Variants in AGAP1 observed in about 807,000 individuals in gnomAD.
The protein encoded by AGAP1 is ArfGAP with GTPase domain, ankyrin repeat and PH domain 1.
In AGAP1, 29 loss-of-function variants were observed where a neutral mutation model predicts 105.3. The ratio of observed to expected loss-of-function variants is 0.28; its 90% confidence interval spans 0.21 to 0.38. The LOEUF (loss-of-function observed/expected upper bound fraction) is 0.38, where lower values mean the gene tolerates loss of function less well. Ranked by LOEUF, AGAP1 falls within the 10% of genes least tolerant of loss-of-function variation. The pLI is 1.00. For missense variants in AGAP1, 998 were observed against 1,165.1 expected (o/e 0.86, Z 2.09); for synonymous variants, 509 against 485.9 (o/e 1.05, Z -0.63).
rs2058807073 is a variant in AGAP1 at position 236,082,326 on chromosome 2, C to T, written c.2114+33045C>T. ...AACCTTGGCTTTTCCACTGTAATTTCCTCTGCCAGCTAATTTAATTAATCA... is the reference window on the plus strand; with the variant it reads ...AACCTTGGCTTTTCCACTGTAATTTTCTCTGCCAGCTAATTTAATTAATCA... On this transcript the variant is annotated intron_variant, in intron 16 of 17. Transcript: ENST00000304032. The surrounding 1 kb of genome is among the most constrained non-coding windows in gnomAD (Gnocchi z 4.2). 6.6e-6 allele frequency among the ~76,000 whole-genome samples: 1 copy of T among 152,206 alleles called. No homozygotes were observed. Among genetic ancestry groups the T allele is most frequent in the South Asian group, 2.1e-4 (1 of 4,832 alleles).
At chr2:235,542,803 C>T (rs1387356187) in intron 1 of AGAP1, among the ~76,000 whole-genome samples, 1 of 152,160 alleles carries the variant, frequency 6.6e-6, no homozygotes, top group African/African-American at 2.4e-5. Context: ...CCTGCAGGCC[C>T]CATGGTGCTT....
chr2:236,124,420 T>C lies in AGAP1; in HGVS notation c.*298T>C. The C allele has an allele frequency of 2.4e-6, 1 of 421,352 alleles. No homozygotes were observed. Among genetic ancestry groups the C allele is most frequent in the Non-Finnish European group, 4.4e-6 (1 of 229,622 alleles). 26.1% of individuals were successfully genotyped at this position (421,352 alleles called of 1,614,324 possible). A position where few individuals can be genotyped will look rare whatever the true frequency, so the allele number is the denominator to read the frequency against. ...GATGATAGCACATGGCGCAGGACCC[T>C]TGTCCTGGTGGCACAAGGGATGGGG... On this transcript the variant is annotated 3_prime_UTR_variant, in exon 18 of 18. Coordinates refer to ENST00000304032, the MANE Select transcript of AGAP1 (RefSeq NM_001037131.3). This position sits in a 1 kb window ranked among gnomAD's most constrained non-coding sequence, Gnocchi z 5.1.
chr2:235,551,756 CT>C lies in AGAP1; in HGVS notation c.163+56910del, dbSNP rs1342411164. Among the ~76,000 whole-genome samples, 1 of 152,190 alleles carries C rather than the reference CT, an allele frequency of 6.6e-6. No homozygotes were observed. Among genetic ancestry groups the C allele is most frequent in the Non-Finnish European group, 1.5e-5 (1 of 68,046 alleles). On this transcript the variant is annotated intron_variant, in intron 1 of 17. Coordinates refer to ENST00000304032, the MANE Select transcript of AGAP1 (RefSeq NM_001037131.3). The surrounding 1 kb of genome is among the most constrained non-coding windows in gnomAD (Gnocchi z 4.8). ...GGAAAGCAGGACAAACCCTAAAAGA[CT>C]TTCTCTGAATGTTACCTTTGCTCTT...
At position 235,729,508 on chromosome 2, in the gene AGAP1, C is replaced by T. The variant is rs989542546; in HGVS notation, c.311-11455C>T. Among the ~76,000 whole-genome samples, 1 of 152,076 alleles carries T rather than the reference C, an allele frequency of 6.6e-6. No individual in the cohort carries two copies. The highest frequency in any genetic ancestry group is 2.4e-5 in the African/African-American group (1 of 41,382). ...GGAGGATGCTGTAGGGGCAGTCTCACGGCGGTCTCACCTCTGCCACCTGTG... is the reference window on the plus strand; with the variant it reads ...GGAGGATGCTGTAGGGGCAGTCTCATGGCGGTCTCACCTCTGCCACCTGTG... On this transcript the variant is annotated intron_variant, in intron 3 of 17. Transcript: ENST00000304032. The surrounding 1 kb of genome is among the most constrained non-coding windows in gnomAD (Gnocchi z 5.0).
At chr2:235,572,973 TTTTTTCTTCTTCTTCTTCTTCTTC>T (rs1221149985) in intron 1 of AGAP1, among the ~76,000 whole-genome samples, 11 of 136,944 alleles carry the variant, frequency 8.0e-5, no homozygotes, top group Non-Finnish European at 1.2e-4. Context: ...TTGCTCCATC[TTTTTTCTTCTTCTTCTTCTTCTTC>T]TTCTTCTTCT....
At chr2:235,868,679 C>T (rs2049299449) in intron 9 of AGAP1, among the ~76,000 whole-genome samples, 1 of 152,182 alleles carries the variant, frequency 6.6e-6, no homozygotes, top group South Asian at 2.1e-4. Flanking sequence ...TAATTGCTAT[C>T]GAGCAGAGTT....
At chr2:235,688,833 C>T (rs1177322769) in intron 1 of AGAP1, among the ~76,000 whole-genome samples, 1 of 152,164 alleles carries the variant, frequency 6.6e-6, no homozygotes, top group Admixed American at 6.5e-5. Flanking sequence ...CTCATCCCGC[C>T]CCTCATTCAC....
At chr2:235,595,213 G>C (rs1490462164) in intron 1 of AGAP1, among the ~76,000 whole-genome samples, 1 of 152,214 alleles carries the variant, frequency 6.6e-6, no homozygotes, top group African/African-American at 2.4e-5. Flanking sequence ...CTGAAGGTTT[G>C]TAAGGGATCT....
At position 236,045,590 on chromosome 2, in the gene AGAP1, C is replaced by T. The variant is rs2057693237; in HGVS notation, c.1892-3469C>T. ...CAGGTGTGAGGGCCTGGAGAGCAGG[C>T]AGGGCCGCCCTGGGGCTGTGGGACC... On this transcript the variant is annotated intron_variant, in intron 15 of 17. Coordinates refer to ENST00000304032, the MANE Select transcript of AGAP1 (RefSeq NM_001037131.3). The surrounding 1 kb of genome is among the most constrained non-coding windows in gnomAD (Gnocchi z 6.9). Among the ~76,000 whole-genome samples, 1 of 152,216 alleles carries T rather than the reference C, an allele frequency of 6.6e-6. No individual in the cohort carries two copies. The highest frequency in any genetic ancestry group is 2.1e-4 in the South Asian group (1 of 4,830).
In AGAP1 at chr2:235,569,647, G is replaced by C. The variant is rs1028870731; in HGVS notation, c.163+74798G>C. On this transcript the variant is annotated intron_variant, in intron 1 of 17. Transcript: ENST00000304032. The surrounding 1 kb of genome is among the most constrained non-coding windows in gnomAD (Gnocchi z 5.9). Reference sequence around the variant, plus strand: ...CCCTGGAGGGGCTGTGCCCAGGTAGGGTGTGTTCACTGTGCCCCTGTGTGA... The same window carrying C: ...CCCTGGAGGGGCTGTGCCCAGGTAGCGTGTGTTCACTGTGCCCCTGTGTGA... 6.6e-6 allele frequency among the ~76,000 whole-genome samples: 1 copy of C among 152,144 alleles called. No homozygotes were observed. The highest frequency in any genetic ancestry group is 1.9e-4 in the East Asian group (1 of 5,182).
chr2:235,837,850 A>G (rs1960347056), intron 9 of AGAP1, among the ~76,000 whole-genome samples: 1 of 152,166 alleles, frequency 6.6e-6, no homozygotes, highest in African/African-American at 2.4e-5. Flanking sequence ...TAAAAATAGA[A>G]TAGATAAGGG....
Position 235,874,376 on chromosome 2 carries a change from C to A in AGAP1, c.1051-8969C>A, listed in dbSNP as rs898108388. Reference sequence around the variant, plus strand: ...GAACCACATTCTTGAGCTGAGCTCCCGAGGGTACCTGGTGATGTAGAAGGA... The same window carrying A: ...GAACCACATTCTTGAGCTGAGCTCCAGAGGGTACCTGGTGATGTAGAAGGA... On this transcript the variant is annotated intron_variant, in intron 9 of 17. Transcript: ENST00000304032. This position sits in a 1 kb window ranked among gnomAD's most constrained non-coding sequence, Gnocchi z 4.5. Among the ~76,000 whole-genome samples the A allele has an allele frequency of 6.6e-6, 1 of 152,186 alleles. No individual in the cohort carries two copies. Among genetic ancestry groups the A allele is most frequent in the African/African-American group, 2.4e-5 (1 of 41,444 alleles).
chr2:235,879,704 G>A lies in AGAP1; in HGVS notation c.1051-3641G>A, dbSNP rs1384390724. 6.6e-6 allele frequency among the ~76,000 whole-genome samples: 1 copy of A among 152,106 alleles called. No homozygotes were observed. Among genetic ancestry groups the A allele is most frequent in the East Asian group, 1.9e-4 (1 of 5,176 alleles). ...CACTTCTGGGAAGCCATGGTGGGAGGATTGCTTGAGCCCAGGAGTTCGAGA... is the reference window on the plus strand; with the variant it reads ...CACTTCTGGGAAGCCATGGTGGGAGAATTGCTTGAGCCCAGGAGTTCGAGA... On this transcript the variant is annotated intron_variant, in intron 9 of 17. Transcript: ENST00000304032. This position sits in a 1 kb window ranked among gnomAD's most constrained non-coding sequence, Gnocchi z 5.0.
At chr2:235,678,841 C>G (rs188455597) in intron 1 of AGAP1, among the ~76,000 whole-genome samples, 3 of 152,000 alleles carry the variant, frequency 2.0e-5, no homozygotes, top group Admixed American at 2.0e-4. Flanking sequence ...GTCCCTGCTT[C>G]CCACTCCCGC....
In AGAP1 at chr2:236,126,166, G is replaced by A. The variant is rs2060001378; in HGVS notation, c.*2044G>A. On this transcript the variant is annotated 3_prime_UTR_variant, in exon 18 of 18. Coordinates refer to ENST00000304032, the MANE Select transcript of AGAP1 (RefSeq NM_001037131.3). The stretch of plus-strand genomic sequence containing the variant: ...CTCACTCGTATCCAAAAGTATAACA[G>A]GTGCAGAAGCCACAAGTCTGAGAAC... 1 of 152,164 alleles carries A rather than the reference G, an allele frequency of 6.6e-6. No individual in the cohort carries two copies. Among genetic ancestry groups the A allele is most frequent in the African/African-American group, 2.4e-5 (1 of 41,450 alleles). The allele number at this position is 152,164 out of a possible 1,614,324, so 9.4% of individuals were successfully genotyped here.
At chr2:235,638,852 G>A (rs2316908) in intron 1 of AGAP1, among the ~76,000 whole-genome samples, 85,649 of 152,032 alleles carry the variant, frequency 0.56, 26,346 homozygotes, top group Non-Finnish European at 0.68. Flanking sequence ...TTGACATTTT[G>A]TGCCGGATAA....
intron 6 of AGAP1, among the ~76,000 whole-genome samples, chr2:235,781,171 T>C (rs770488857): frequency 5.9e-5 from 9 of 152,238 alleles, no homozygotes; most frequent in Non-Finnish European, 1.2e-4. Context: ...TGTACCATTC[T>C]TGTTGAAGCT....
chr2:235,689,965 T>C lies in AGAP1; in HGVS notation c.164-19214T>C, dbSNP rs1949660799. Among the ~76,000 whole-genome samples, 1 of 152,212 alleles carries C rather than the reference T, an allele frequency of 6.6e-6. No homozygotes were observed. Among genetic ancestry groups the C allele is most frequent in the Non-Finnish European group, 1.5e-5 (1 of 68,036 alleles). ...CTTTTGTTTATTTTCCCTGGTCTAA[T>C]TTTTTCAGATGGTAAATAGATCGCG... On this transcript the variant is annotated intron_variant, in intron 1 of 17. Transcript: ENST00000304032. The surrounding 1 kb of genome is among the most constrained non-coding windows in gnomAD (Gnocchi z 4.2).
At chr2:235,850,698 T>G (rs1327524646) in intron 9 of AGAP1, among the ~76,000 whole-genome samples, 1 of 152,254 alleles carries the variant, frequency 6.6e-6, no homozygotes, top group Admixed American at 6.5e-5. Flanking sequence ...GCAAAAAGTT[T>G]TCCTGTTTCT....
Sources: allele counts gnomAD v4.1 joint callset (sites outside exome capture counted in the v4.1 genomes callset), GRCh38; gene constraint gnomAD v4.1.1; non-coding constraint Gnocchi (gnomAD v3.1); transcripts MANE v1.5; gene names NCBI Gene and HGNC (gene_info 2026-07-23, HGNC 2026-07-21).